Variants in UPF3B observed in about 807,000 individuals in gnomAD.
The protein encoded by UPF3B is UPF3B regulator of nonsense mediated mRNA decay.
In UPF3B, 7 loss-of-function variants were observed where a neutral mutation model predicts 40.3. The observed-to-expected ratio is 0.17, with a 90% CI of 0.10 to 0.33. UPF3B has a LOEUF of 0.33. Ranked by LOEUF, UPF3B falls within the 10% of genes least tolerant of loss-of-function variation. The pLI is 1.00. For synonymous variants in UPF3B, 117 were observed against 117.3 expected, an observed-to-expected ratio of 1.00 and a Z score of 0.01; for missense variants, 229 against 358.9, an observed-to-expected ratio of 0.64 and a Z score of 2.93.
At chrX:119,822,134 A>G (rs1051176473) in intron 4 of UPF3B, among the ~76,000 whole-genome samples, 7 of 112,648 alleles carry the variant, frequency 6.2e-5, no homozygotes, top group Admixed American at 1.9e-4. Context: ...AAAAAAACAA[A>G]AGTAACCCTA....
At chrX:119,810,133 C>T (rs1330202805) in intron 5 of UPF3B, among the ~76,000 whole-genome samples, 1 of 112,250 alleles carries the variant, frequency 8.9e-6, no homozygotes, top group Non-Finnish European at 1.9e-5. Flanking sequence ...CAACAGTCAA[C>T]ACCATAGACA....
At chrX:119,813,827 G>T (rs1047241275) in intron 5 of UPF3B, among the ~76,000 whole-genome samples, 1 of 110,632 alleles carries the variant, frequency 9.0e-6, no homozygotes, top group Non-Finnish European at 1.9e-5. Context: ...GCCTCACAAA[G>T]TGCTGGGATT....
chrX:119,832,025 T>C (rs375455656), downstream of UPF3B, among the ~76,000 whole-genome samples: 1 of 111,754 alleles, frequency 8.9e-6, no homozygotes, highest in African/African-American at 3.3e-5. Flanking sequence ...AGTAGCACAA[T>C]TGCGGCTCAC....
intron 3 of UPF3B, among the ~76,000 whole-genome samples, chrX:119,848,811 G>A (rs959780619): frequency 1.8e-5 from 2 of 111,639 alleles, no homozygotes; most frequent in Non-Finnish European, 3.8e-5. Flanking sequence ...TGGTTGCCAG[G>A]GGCTGGAGGG....
chrX:119,813,838 A>G (rs1337141433), intron 5 of UPF3B, among the ~76,000 whole-genome samples: 1 of 110,831 alleles, frequency 9.0e-6, no homozygotes, highest in Non-Finnish European at 1.9e-5. Flanking sequence ...TGCTGGGATT[A>G]CAGGCATGAG....
In UPF3B at chrX:119,816,937, G is replaced by A. The variant is rs185811667; in HGVS notation, c.495-1630C>T. Among the ~76,000 whole-genome samples, 7 of 110,894 alleles carry A rather than the reference G, an allele frequency of 6.3e-5. No individual in the cohort carries two copies. The Admixed American group carries it at 6.7e-4, about 11-fold the overall frequency. ...GGCTGGGTAATATATAAAGAGAAGA[G>A]GTTTAATTATTTTATTTTATTTTTA... On this transcript the variant is annotated intron_variant, in intron 4 of 6. Transcript: ENST00000636792.
chrX:119,830,102 T>C (rs1400087998), downstream of UPF3B, among the ~76,000 whole-genome samples: 1 of 111,643 alleles, frequency 9.0e-6, no homozygotes, highest in African/African-American at 3.3e-5. Context: ...TGAGGAAACA[T>C]AAAGTTATTT....
chrX:119,843,342 T>G (rs1569462678), intron 4 of UPF3B, 41 bp from the exon 5 acceptor site: 1 of 903,663 alleles, frequency 1.1e-6, no homozygotes, highest in Admixed American at 2.3e-5. Flanking sequence ...TAATAGACTT[T>G]AAACAAAAAA....
chrX:119,813,564 C>CT (rs572653123), intron 5 of UPF3B, among the ~76,000 whole-genome samples: 2,655 of 99,210 alleles, frequency 0.027, 40 homozygotes, highest in Non-Finnish European at 0.043. Flanking sequence ...TTTTTCTTTT[C>CT]TTTTTTTTTT....
At chrX:119,816,001 C>T (rs1329767286) in intron 4 of UPF3B, among the ~76,000 whole-genome samples, 1 of 111,387 alleles carries the variant, frequency 9.0e-6, no homozygotes, top group Non-Finnish European at 1.9e-5. Flanking sequence ...AGGTTCATCT[C>T]CAACTGCTGA....
At chrX:119,812,995 A>T (rs1252622800) in intron 5 of UPF3B, among the ~76,000 whole-genome samples, 1 of 109,570 alleles carries the variant, frequency 9.1e-6, no homozygotes, top group Non-Finnish European at 1.9e-5. Flanking sequence ...TTCCTTTAGT[A>T]CTCTTGCCCA....
At chrX:119,828,564 CAAG>C (rs1235246449) in intron 3 of UPF3B, among the ~76,000 whole-genome samples, 9 of 109,598 alleles carry the variant, frequency 8.2e-5, no homozygotes, top group Non-Finnish European at 1.5e-4. Flanking sequence ...CTCAGCTACT[CAAG>C]AAGCTGTGGT....
At position 119,834,597 on chromosome X, in the gene UPF3B, C is replaced by A; in HGVS notation, c.*281G>T. The A allele has an allele frequency of 9.9e-6, 10 of 1,012,137 alleles. No individual in the cohort carries two copies. The highest frequency in any genetic ancestry group is 1.3e-5 in the Non-Finnish European group (10 of 796,438). The allele number at this position is 1,012,137 out of a possible 1,213,427, so 83.4% of individuals were successfully genotyped here. On this transcript the variant is annotated 3_prime_UTR_variant, in exon 11 of 11. Transcript: ENST00000276201. Reference sequence around the variant, plus strand: ...CATATGTGATGAAGTCCTCACTTGACAATTCCCCCTGCAAATTGCAATGCA... The same window carrying A: ...CATATGTGATGAAGTCCTCACTTGAAAATTCCCCCTGCAAATTGCAATGCA...
chrX:119,819,053 CTTT>C (rs561336054), intron 4 of UPF3B, among the ~76,000 whole-genome samples: 1 of 88,418 alleles, frequency 1.1e-5, no homozygotes, highest in African/African-American at 4.1e-5. Context: ...GTAACACCAG[CTTT>C]TTTTTTTTTT....
At chrX:119,842,605 T>TACACACATACACAC (rs2056179146) in intron 5 of UPF3B, among the ~76,000 whole-genome samples, 1 of 91,392 alleles carries the variant, frequency 1.1e-5, no homozygotes, top group Non-Finnish European at 2.2e-5. Context: ...CACACACACA[T>TACACACATACACAC]ACACACACAC....
At position 119,841,181 on chromosome X, in the gene UPF3B, C is replaced by T. The variant is rs141027816; in HGVS notation, c.702G>A (p.Arg234=). Residue 234 remains arginine, a synonymous_variant, in exon 7 of 11, where the codon AGG becomes AGA. Coordinates refer to ENST00000276201, the MANE Select transcript of UPF3B (RefSeq NM_080632.3). The part of the protein sequence containing the change: ...ERKRQREEER[R]KWKEEEKRKR... ...TTCGTTTCTCTTCTTCTTTCCATTT[C>T]CTCCTCTCTTCTTCTCTTTGTCTTT... 6 of 1,179,063 alleles carry T rather than the reference C, an allele frequency of 5.1e-6. No homozygotes were observed. In the African/African-American group the frequency reaches 1.1e-4, roughly 21 times the overall value.
downstream of UPF3B, among the ~76,000 whole-genome samples, chrX:119,833,030 C>G (rs909898913): frequency 1.3e-4 from 15 of 111,155 alleles, no homozygotes; most frequent in African/African-American, 4.9e-4. Context: ...AGCTACCCCC[C>G]ACTGCCCTCA....
chrX:119,851,508 G>C lies in UPF3B; in HGVS notation c.357C>G (p.Phe119Leu). Residue 119 changes from phenylalanine to leucine, a missense_variant, in exon 3 of 11, where the codon TTC becomes TTG. Transcript: ENST00000276201. ...ACCAGGACTCACCTTTATTGTCAAG[G>C]AATACATAACCATCAAAGCGATCCC... ...LFRDRFDGYV[F>L]LDNKGQEYPA... The C allele has an allele frequency of 8.3e-7, 1 of 1,200,230 alleles. No individual in the cohort carries two copies. The highest frequency in any genetic ancestry group is 1.1e-6 in the Non-Finnish European group (1 of 885,333).
rs2056070809 is a variant in UPF3B, at chrX:119,834,520, G to T, written c.*358C>A. The stretch of plus-strand genomic sequence containing the variant: ...ACCCAAATTCAGAAAATTCAATTCA[G>T]GATGAACAACAGCTTTTGATTTTAG... On this transcript the variant is annotated 3_prime_UTR_variant, in exon 11 of 11. Coordinates refer to ENST00000276201, the MANE Select transcript of UPF3B (RefSeq NM_080632.3). The T allele has an allele frequency of 1.1e-6, 1 of 890,844 alleles. No individual in the cohort carries two copies. The highest frequency in any genetic ancestry group is 2.1e-5 in the African/African-American group (1 of 48,503). The allele number at this position is 890,844 out of a possible 1,213,427, so 73.4% of individuals were successfully genotyped here.
Sources: allele counts gnomAD v4.1 joint callset (sites outside exome capture counted in the v4.1 genomes callset), GRCh38; gene constraint gnomAD v4.1.1; transcripts MANE v1.5; gene names NCBI Gene and HGNC (gene_info 2026-07-23, HGNC 2026-07-21).